ITSN2: variants seen among roughly 807,000 people sequenced by gnomAD.
ITSN2 encodes intersectin 2.
ITSN2 carries 156 observed loss-of-function variants against 243.7 expected under a neutral mutation model. That is an observed-to-expected ratio of 0.64 (90% CI 0.56 to 0.73). ITSN2 has a LOEUF of 0.73. Ranked by LOEUF, ITSN2 falls within the 30% of genes least tolerant of loss-of-function variation. The pLI, the probability that ITSN2 is intolerant of heterozygous loss-of-function variation, is 0.00. For synonymous variants in ITSN2, 703 were observed against 699.9 expected, an observed-to-expected ratio of 1.00 and a Z score of -0.07; for missense variants, 1,801 against 1,996.1, an observed-to-expected ratio of 0.90 and a Z score of 1.86.
rs1311898369 is a variant in ITSN2, at chr2:24,271,853, T to G, written c.2170A>C (p.Thr724Pro). The G allele has an allele frequency of 6.2e-7, 1 of 1,610,966 alleles. No individual in the cohort carries two copies. The highest frequency in any genetic ancestry group is 8.5e-7 in the Non-Finnish European group (1 of 1,179,414). ...EKQKRLQEEK[T>P]QEKIQEEERK... The stretch of plus-strand genomic sequence containing the variant: ...TCCTCTTCTTGAATTTTTTCTTGTG[T>G]TTTTTCTTCCTGGAGTCGCTTTTGT... The change falls in exon 19 of 40, where the codon ACA (threonine) becomes CCA (proline). Residue 724 changes from threonine to proline, a missense_variant. Coordinates refer to ENST00000355123, the MANE Select transcript of ITSN2 (RefSeq NM_006277.3).
At chr2:24,217,548 C>T (rs2551182) in intron 31 of ITSN2, among the ~76,000 whole-genome samples, 20,194 of 152,124 alleles carry the variant, frequency 0.13, 1,913 homozygotes, top group African/African-American at 0.27. Context: ...GGGATAGAGA[C>T]TTAGGAGGCC....
chr2:24,331,303 C>G (rs1685756026), intron 1 of ITSN2, among the ~76,000 whole-genome samples: 1 of 151,580 alleles, frequency 6.6e-6, no homozygotes, highest in Admixed American at 6.6e-5. Flanking sequence ...GAACTCCTGA[C>G]CTCAGGTGAT....
chr2:24,267,882 G>A (rs1309369923), intron 20 of ITSN2, among the ~76,000 whole-genome samples: 1 of 152,180 alleles, frequency 6.6e-6, no homozygotes, highest in Non-Finnish European at 1.5e-5. Context: ...TTAATTTCTA[G>A]ATACACTTTT....
At chr2:24,260,898 C>T (rs1243737397) in intron 22 of ITSN2, among the ~76,000 whole-genome samples, 2 of 76,068 alleles carry the variant, frequency 2.6e-5, no homozygotes, top group East Asian at 3.2e-4. Flanking sequence ...AGTGAGGCTC[C>T]GTCTCAAAAA....
At position 24,225,853 on chromosome 2, in the gene ITSN2, C is replaced by CT. The variant is rs1459465574; in HGVS notation, c.3578-4788dup. On this transcript the variant is annotated intron_variant, in intron 29 of 39. Coordinates refer to ENST00000355123, the MANE Select transcript of ITSN2 (RefSeq NM_006277.3). This position sits in a 1 kb window ranked among gnomAD's most constrained non-coding sequence, Gnocchi z 4.2. ...TTTTTGAGAGGAGGGAGGGTAACAT[C>CT]TTTTTTGTCCTGAGAAAAGTCCTGA... Among the ~76,000 whole-genome samples, 3 of 152,086 alleles carry CT rather than the reference C, an allele frequency of 2.0e-5. No individual in the cohort carries two copies. The highest frequency in any genetic ancestry group is 2.9e-5 in the Non-Finnish European group (2 of 68,020).
At chr2:24,322,949 G>C (rs1438797370) in intron 2 of ITSN2, among the ~76,000 whole-genome samples, 1 of 151,642 alleles carries the variant, frequency 6.6e-6, no homozygotes, top group Non-Finnish European at 1.5e-5. Flanking sequence ...TGGCAAATAA[G>C]CACGTGACAA....
At chr2:24,262,240 T>C (rs989594004) in intron 20 of ITSN2, among the ~76,000 whole-genome samples, 2 of 152,200 alleles carry the variant, frequency 1.3e-5, no homozygotes, top group African/African-American at 4.8e-5. Flanking sequence ...TTTATTTAAA[T>C]TTATTTAATG....
intron 29 of ITSN2, among the ~76,000 whole-genome samples, chr2:24,222,135 C>T (rs1670516745): frequency 6.6e-6 from 1 of 151,732 alleles, no homozygotes; most frequent in Non-Finnish European, 1.5e-5. Flanking sequence ...GCCTGTAGTC[C>T]CAGCTACTCA....
At chr2:24,238,457 G>A (rs1300268313) in intron 29 of ITSN2, among the ~76,000 whole-genome samples, 5 of 152,098 alleles carry the variant, frequency 3.3e-5, no homozygotes, top group South Asian at 2.1e-4. Context: ...GGGCTTATAC[G>A]ACCACCAACA....
intron 16 of ITSN2, among the ~76,000 whole-genome samples, chr2:24,285,222 G>A (rs1202775873): frequency 6.6e-6 from 1 of 152,086 alleles, no homozygotes; most frequent in Non-Finnish European, 1.5e-5. Context: ...AAATAATATA[G>A]GGAAGATAAG....
chr2:24,219,477 A>G (rs1417117162), intron 30 of ITSN2, among the ~76,000 whole-genome samples: 1 of 152,216 alleles, frequency 6.6e-6, no homozygotes, highest in African/African-American at 2.4e-5. Context: ...GGGACAGGGA[A>G]GAGTCTGGCT....
intron 1 of ITSN2, chr2:24,334,423 C>A (rs1035006000): frequency 1.1e-5 from 5 of 466,658 alleles, no homozygotes; most frequent in East Asian, 1.0e-4. Context: ...ACCCCTTGGC[C>A]CAGCCAAGGT....
chr2:24,346,322 T>A (rs1687525578), intron 1 of ITSN2, among the ~76,000 whole-genome samples: 1 of 152,240 alleles, frequency 6.6e-6, no homozygotes, highest in Admixed American at 6.5e-5. Context: ...AAAAATTCAC[T>A]AACTTAGTCC....
upstream of ITSN2, chr2:24,360,584 C>A (rs974199786): frequency 1.3e-5 from 2 of 152,284 alleles, no homozygotes; most frequent in Non-Finnish European, 2.9e-5. Flanking sequence ...GGGCAGCTGA[C>A]GGCCCGCCCG....
At chr2:24,282,452 G>A (rs1678907563) in intron 17 of ITSN2, among the ~76,000 whole-genome samples, 2 of 152,186 alleles carry the variant, frequency 1.3e-5, no homozygotes, top group African/African-American at 4.8e-5. Context: ...AAGCCCACGT[G>A]TGATCCAATT....
Position 24,252,346 on chromosome 2 carries a change from T to C in ITSN2, c.3119A>G (p.Glu1040Gly). Residue 1040 changes from glutamate (E) to glycine (G), a missense_variant and splice_region_variant, in exon 25 of 40, where the codon GAG becomes GGG. Glu to Gly is a moderately conservative substitution (Grantham distance 98). Around this residue, in one of 5 missense-constraint regions of ITSN2, gnomAD observed 928 missense variants for 1,065.4 expected, o/e 0.87. Coordinates refer to ENST00000355123, the MANE Select transcript of ITSN2 (RefSeq NM_006277.3). Reference sequence around the variant, plus strand: ...GGGTTGATTTTAATATCAAAATACCTCTTGATCCTTTGGTTTGACATAGTT... The same window carrying C: ...GGGTTGATTTTAATATCAAAATACCCCTTGATCCTTTGGTTTGACATAGTT... ...PSNYVKPKDQ[E>G]SFGSASKSGA... The C allele has an allele frequency of 6.2e-7, 1 of 1,603,684 alleles. No individual in the cohort carries two copies.
At chr2:24,208,349 C>T (rs1450160243) in intron 36 of ITSN2, 30 bp from the exon 37 acceptor site, 5 of 1,559,710 alleles carry the variant, frequency 3.2e-6, no homozygotes, top group Admixed American at 1.7e-5. Flanking sequence ...AGCCGTTGGC[C>T]GCATCCCACC....
chr2:24,295,232 G>A (rs1553375925), intron 14 of ITSN2, among the ~76,000 whole-genome samples: 2 of 152,146 alleles, frequency 1.3e-5, no homozygotes, highest in Non-Finnish European at 2.9e-5. Flanking sequence ...ACAGGATTGC[G>A]TGTATTTAGA....
intron 1 of ITSN2, among the ~76,000 whole-genome samples, chr2:24,344,365 G>A (rs1687325065): frequency 6.6e-6 from 1 of 152,068 alleles, no homozygotes; most frequent in Admixed American, 6.6e-5. Flanking sequence ...TTTATTAATA[G>A]TACCATTTTA....
Sources: allele counts gnomAD v4.1 joint callset (sites outside exome capture counted in the v4.1 genomes callset), GRCh38; gene constraint gnomAD v4.1.1; regional missense constraint gnomAD v4.1.1; non-coding constraint Gnocchi (gnomAD v3.1); transcripts MANE v1.5; gene names NCBI Gene and HGNC (gene_info 2026-07-23, HGNC 2026-07-21).